The following CDH18 variants were observed in gnomAD, a reference collection of about 807,000 sequenced individuals.
CDH18 encodes cadherin 18.
CDH18 carries 31 observed loss-of-function variants against 67.9 expected under a neutral mutation model. The observed-to-expected ratio is 0.46, with a 90% confidence interval of 0.34 to 0.62. CDH18 has a LOEUF of 0.62. Among genes scored for constraint, CDH18 ranks in the 20% least tolerant of loss-of-function variants. The pLI is 0.01. For missense variants in CDH18, 890 were observed against 975.5 expected, an observed-to-expected ratio of 0.91 and a Z score of 1.17; for synonymous variants, 362 against 347.2, an observed-to-expected ratio of 1.04 and a Z score of -0.48.
intron 1 of CDH18, among the ~76,000 whole-genome samples, chr5:20,440,343 C>G (rs1438238625): frequency 1.3e-5 from 2 of 151,652 alleles, no homozygotes; most frequent in Non-Finnish European, 2.9e-5. Flanking sequence ...AGACAGAGAC[C>G]GTAACTATAG....
chr5:20,522,593 G>A (rs1316792590), intron 1 of CDH18, among the ~76,000 whole-genome samples: 1 of 152,114 alleles, frequency 6.6e-6, no homozygotes, highest in Admixed American at 6.6e-5. Flanking sequence ...TGAATGTTAA[G>A]TAATATTAAT....
At position 20,491,879 on chromosome 5, in the gene CDH18, A is replaced by G. The variant is rs533460521; in HGVS notation, c.-580+83583T>C. ...CATCACAGGGAACCTTCTCTGTAAC[A>G]ATTAAATTATGGGCCTTTTCTTAAA... On this transcript the variant is annotated intron_variant, in intron 1 of 14. Transcript: ENST00000507958. Among the ~76,000 whole-genome samples, 14 of 152,280 alleles carry G rather than the reference A, an allele frequency of 9.2e-5. No individual in the cohort carries two copies. In the South Asian group the frequency reaches 2.9e-3, roughly 32 times the overall value.
chr5:20,285,680 T>C (rs1362678006), intron 1 of CDH18, among the ~76,000 whole-genome samples: 1 of 151,470 alleles, frequency 6.6e-6, no homozygotes, highest in Admixed American at 6.6e-5. Flanking sequence ...AAATCACATG[T>C]AACATAATCA....
At chr5:19,664,070 G>T (rs568852282) in intron 5 of CDH18, among the ~76,000 whole-genome samples, 1 of 151,684 alleles carries the variant, frequency 6.6e-6, no homozygotes, top group South Asian at 2.1e-4. Flanking sequence ...GAACTAAATT[G>T]GATTCAGCAA....
intron 1 of CDH18, among the ~76,000 whole-genome samples, chr5:20,377,693 T>TA (rs1321296257): frequency 6.6e-6 from 1 of 152,168 alleles, no homozygotes; most frequent in East Asian, 1.9e-4. Flanking sequence ...ACTTAGGAGA[T>TA]ACCACAGCAT....
intron 5 of CDH18, among the ~76,000 whole-genome samples, chr5:19,675,738 C>T (rs966195526): frequency 2.0e-5 from 3 of 151,890 alleles, no homozygotes; most frequent in Non-Finnish European, 4.4e-5. Flanking sequence ...ACGAAGATGA[C>T]AGGATTAAGA....
chr5:20,563,476 T>C (rs535654828), intron 1 of CDH18, among the ~76,000 whole-genome samples: 9 of 52,004 alleles, frequency 1.7e-4, no homozygotes, highest in African/African-American at 5.3e-4. Context: ...AGTTAAATTG[T>C]TGACAGTAAG....
intron 2 of CDH18, among the ~76,000 whole-genome samples, chr5:20,246,467 A>G (rs533405682): frequency 6.6e-6 from 1 of 152,360 alleles, no homozygotes; most frequent in South Asian, 2.1e-4. Flanking sequence ...TCAAAGGTAT[A>G]AAACTCTTGG....
At chr5:20,229,188 TC>T (rs1195600050) in intron 2 of CDH18, among the ~76,000 whole-genome samples, 3 of 152,092 alleles carry the variant, frequency 2.0e-5, no homozygotes, top group Non-Finnish European at 4.4e-5. Context: ...ACATATACTA[TC>T]AGATTGTTGA....
chr5:19,968,246 C>G (rs542706956), intron 2 of CDH18, among the ~76,000 whole-genome samples: 1 of 151,812 alleles, frequency 6.6e-6, no homozygotes, highest in Non-Finnish European at 1.5e-5. Flanking sequence ...GAATCAATAT[C>G]GTGAAAATGG....
chr5:20,482,271 G>C (rs182857908), intron 1 of CDH18, among the ~76,000 whole-genome samples: 3 of 152,064 alleles, frequency 2.0e-5, no homozygotes, highest in Admixed American at 2.0e-4. Context: ...CTATTAACAA[G>C]TAATGAGATT....
intron 2 of CDH18, among the ~76,000 whole-genome samples, chr5:20,191,085 T>C (rs1738499221): frequency 6.6e-6 from 1 of 152,168 alleles, no homozygotes; most frequent in Non-Finnish European, 1.5e-5. Flanking sequence ...ACATTTTAAG[T>C]ACTAAAATGT....
At chr5:19,799,435 AACACACACACACACACACAC>A (rs10545142) in intron 3 of CDH18, among the ~76,000 whole-genome samples, 1 of 143,720 alleles carries the variant, frequency 7.0e-6, no homozygotes, top group Non-Finnish European at 1.5e-5. Flanking sequence ...AAATATTCTC[AACACACACACACACACACAC>A]ACACACACAC....
At chr5:19,560,953 A>G (rs1739345625) in intron 8 of CDH18, among the ~76,000 whole-genome samples, 1 of 152,192 alleles carries the variant, frequency 6.6e-6, no homozygotes, top group South Asian at 2.1e-4. Context: ...CAAAATCACA[A>G]TGTGATACCA....
intron 2 of CDH18, among the ~76,000 whole-genome samples, chr5:20,170,735 A>G (rs1736635362): frequency 6.6e-6 from 1 of 152,088 alleles, no homozygotes; most frequent in South Asian, 2.1e-4. Context: ...TCAGGGGTAC[A>G]TGTGCAGGTT....
chr5:20,096,328 A>T (rs1034695625), intron 2 of CDH18, among the ~76,000 whole-genome samples: 1 of 152,194 alleles, frequency 6.6e-6, no homozygotes, highest in East Asian at 1.9e-4. Flanking sequence ...TACTCAGCAC[A>T]ATCATTTTTA....
At chr5:20,321,174 A>T (rs921877279) in intron 1 of CDH18, among the ~76,000 whole-genome samples, 3 of 152,112 alleles carry the variant, frequency 2.0e-5, no homozygotes, top group Admixed American at 6.6e-5. Context: ...TTCATGTTAA[A>T]ACAAGATTTT....
chr5:20,072,861 A>G (rs866430803), intron 2 of CDH18, among the ~76,000 whole-genome samples: 1 of 151,834 alleles, frequency 6.6e-6, no homozygotes, highest in African/African-American at 2.4e-5. Context: ...AAAATTGGAG[A>G]AAGGATTGAA....
rs138507128 is a variant in CDH18, at chr5:20,294,474, G to A, written c.-579-38969C>T. On this transcript the variant is annotated intron_variant, in intron 1 of 14. Transcript: ENST00000507958. ...GAGAGCTGGTAAGATGGGAGGCTAA[G>A]GGAATGTTTCCTCATCTTATAGTTA... Among the ~76,000 whole-genome samples the A allele has an allele frequency of 2.7e-3, 408 of 152,290 alleles. 2 individuals are homozygous for A. Among genetic ancestry groups the A allele is most frequent in the Non-Finnish European group, 3.9e-3 (265 of 68,024 alleles).
Sources: allele counts gnomAD v4.1 joint callset (sites outside exome capture counted in the v4.1 genomes callset), GRCh38; gene constraint gnomAD v4.1.1; transcripts MANE v1.5; gene names NCBI Gene and HGNC (gene_info 2026-07-23, HGNC 2026-07-21).